Variants in RESF1 observed in about 807,000 individuals in gnomAD.
RESF1 encodes the protein retroelement silencing factor 1, also known as gonad expressed transcript.
RESF1 carries 65 observed loss-of-function variants against 134.7 expected under a neutral mutation model. The ratio of observed to expected loss-of-function variants is 0.48; its 90% CI spans 0.40 to 0.59. The LOEUF (loss-of-function observed/expected upper bound fraction) is 0.59. Among genes scored for constraint, RESF1 ranks in the 20% least tolerant of loss-of-function variants. The probability of loss-of-function intolerance (pLI) is 0.00; values close to 1 mark genes in which losing one functional copy is unlikely to be tolerated. For synonymous variants in RESF1, 762 were observed against 702.2 expected (o/e 1.09, Z -1.35); for missense variants, 2,274 against 2,002.7 (o/e 1.14, Z -2.59).
At chr12:31,961,456 G>A (rs1939267159) in intron 2 of RESF1, among the ~76,000 whole-genome samples, 1 of 152,198 alleles carries the variant, frequency 6.6e-6, no homozygotes. Context: ...AATGTCATAG[G>A]ATTGTTATGG....
rs1182184904 is a variant in RESF1 at position 31,983,795 on chromosome 12, C to G, written c.2840C>G (p.Thr947Ser). 6.2e-7 allele frequency: 1 copy of G among 1,612,792 alleles called. No homozygotes were observed. ...CCAGAAAAACAATTAGATAATACCA[C>G]TGAAAATAAAGACTTTGGTTTTCAA... ...REPEKQLDNT[T>S]ENKDFGFQKD... Residue 947 changes from threonine (T) to serine (S), a missense_variant, in exon 4 of 6, where the codon ACT (threonine) becomes AGT (serine). Transcript: ENST00000312561.
At chr12:31,987,376 A>G in intron 5 of RESF1, 54 bp downstream of exon 5, 1 of 994,180 alleles carries the variant, frequency 1.0e-6, no homozygotes, top group Non-Finnish European at 1.6e-6. Flanking sequence ...TGGTATATGG[A>G]AATTGGATTA....
At position 31,985,837 on chromosome 12, in the gene RESF1, GA is replaced by G; in HGVS notation, c.4887del (p.Lys1629AsnfsTer15). 6.4e-7 allele frequency: 1 copy of G among 1,563,994 alleles called. No individual in the cohort carries two copies. The highest frequency in any genetic ancestry group is 8.6e-7 in the Non-Finnish European group (1 of 1,163,354). On this transcript the variant is annotated frameshift_variant, in exon 4 of 6. Transcript: ENST00000312561. LOFTEE classifies it high-confidence loss of function. ...KTFLPVKGNT[E>X]KSNMLEFKLC... ...CTTTTTACCGGTGAAAGGTAACACA[GA>G]AAAATCAAACATGCTGGAGTTTAAA... is the stretch of plus-strand genomic sequence containing the variant.
chr12:31,985,209 C>T lies in RESF1; in HGVS notation c.4254C>T (p.Ala1418=), dbSNP rs756451266. Residue 1418 remains alanine, a synonymous_variant, in exon 4 of 6, where the codon GCC becomes GCT. Transcript: ENST00000312561. ...CTTTGTCAAACCCAAACGAAAGAGC[C>T]ATTGTTAAAGAAAAGATGGTATCAA... ...GDSLSNPNER[A]IVKEKMVSNT... The T allele has an allele frequency of 6.3e-7, 1 of 1,583,444 alleles. No homozygotes were observed. The highest frequency in any genetic ancestry group is 1.2e-5 in the South Asian group (1 of 84,718).
intron 3 of RESF1, among the ~76,000 whole-genome samples, chr12:31,975,166 C>T (rs1046417218): frequency 7.9e-5 from 12 of 151,640 alleles, no homozygotes; most frequent in East Asian, 3.9e-4. Context: ...CCCAGCTACT[C>T]GGGAGGCTGA....
rs539137524 is a variant in RESF1, at chr12:31,969,706, C to T, written c.-246-483C>T. ...CAGTCTGGAGTGCAGTGGCATGATT[C>T]CCGCTCACCACTGCCTCAACCCCCT... is the stretch of plus-strand genomic sequence containing the variant. On this transcript the variant is annotated intron_variant, in intron 2 of 5. Transcript: ENST00000312561. Among the ~76,000 whole-genome samples, 65 of 152,184 alleles carry T rather than the reference C, an allele frequency of 4.3e-4. 1 individual carries two copies. The South Asian group carries it at 0.01, about 24-fold the overall frequency.
chr12:31,983,132 A>G lies in RESF1; in HGVS notation c.2177A>G (p.Gln726Arg). The change falls in exon 4 of 6, where the codon CAG (glutamine) becomes CGG (arginine). Residue 726 changes from glutamine (Q) to arginine (R), a missense_variant. Transcript: ENST00000312561. ...TCAGTTGTGGGAAATTCAAATTCTCAGAATAAAATAAGTAATCCCTCACAG... is the reference window on the plus strand; with the variant it reads ...TCAGTTGTGGGAAATTCAAATTCTCGGAATAAAATAAGTAATCCCTCACAG... Reference protein sequence around the residue: ...PCSVVGNSNSQNKISNPSQQT... With the variant: ...PCSVVGNSNSRNKISNPSQQT... 6.2e-7 allele frequency: 1 copy of G among 1,610,974 alleles called. No homozygotes were observed. The highest frequency in any genetic ancestry group is 8.5e-7 in the Non-Finnish European group (1 of 1,178,888).
Position 31,984,489 on chromosome 12 carries a change from C to T in RESF1, c.3534C>T (p.Leu1178=), listed in dbSNP as rs781595714. The change falls in exon 4 of 6, where the codon CTC becomes CTT. Residue 1178 remains leucine, a synonymous_variant. Coordinates refer to ENST00000312561, the MANE Select transcript of RESF1 (RefSeq NM_018169.4). ...TCCACTGCTGTGCATTGGGCTGGCT[C>T]TCCATGGTTTACGAAGGAGTACCCC... ...DDIHCCALGW[L]SMVYEGVPQC... is the part of the protein sequence containing the mutation. 4 of 1,610,530 alleles carry T rather than the reference C, an allele frequency of 2.5e-6. No homozygotes were observed. Among genetic ancestry groups the T allele is most frequent in the Non-Finnish European group, 3.4e-6 (4 of 1,177,496 alleles).
At position 31,982,946 on chromosome 12, in the gene RESF1, G is replaced by C. The variant is rs754970514; in HGVS notation, c.1991G>C (p.Ser664Thr). ...ESSTKGMPAK[S>T]DSSCSMEVLA... ...TCAACAAAAGGAATGCCTGCTAAAA[G>C]TGACAGTAGCTGTTCCATGGAAGTG... Residue 664 changes from serine to threonine, a missense_variant, in exon 4 of 6, where the codon AGT becomes ACT. Physicochemically the swap from Ser to Thr is moderately conservative, Grantham distance 58. Coordinates refer to ENST00000312561, the MANE Select transcript of RESF1 (RefSeq NM_018169.4). The C allele has an allele frequency of 6.2e-7, 1 of 1,614,102 alleles. No homozygotes were observed. The highest frequency in any genetic ancestry group is 8.5e-7 in the Non-Finnish European group (1 of 1,180,008).
At chr12:31,974,921 G>A (rs898455256) in intron 3 of RESF1, among the ~76,000 whole-genome samples, 4 of 141,274 alleles carry the variant, frequency 2.8e-5, no homozygotes, top group Admixed American at 7.3e-5. Flanking sequence ...GCATGTGGTG[G>A]CTGCCTTTTT....
Position 31,985,728 on chromosome 12 carries a change from A to ACTTT in RESF1, c.4774_4775insTTTC (p.Arg1592LeufsTer3). On this transcript the variant is annotated frameshift_variant, in exon 4 of 6. Coordinates refer to ENST00000312561, the MANE Select transcript of RESF1 (RefSeq NM_018169.4). LOFTEE classifies it high-confidence loss of function. ...ATAGAGTTGGGTTTAAATGCACTGA[A>ACTTT]CGTGAAAGCATTTCTCTCACCAAAT... 3.8e-6 allele frequency: 6 copies of ACTTT among 1,593,122 alleles called. No homozygotes were observed. The highest frequency in any genetic ancestry group is 5.1e-6 in the Non-Finnish European group (6 of 1,174,210).
Position 31,985,359 on chromosome 12 carries a change from T to C in RESF1, c.4404T>C (p.Cys1468=). 1 of 1,608,046 alleles carries C rather than the reference T, an allele frequency of 6.2e-7. No homozygotes were observed. Among genetic ancestry groups the C allele is most frequent in the Non-Finnish European group, 8.5e-7 (1 of 1,178,682 alleles). The stretch of plus-strand genomic sequence containing the variant: ...GTAATAAAGCATCGAAGAAAATCTG[T>C]GTGAAAAACGTGCCATGTGATTCTG... ...ALSNKASKKI[C]VKNVPCDSEH... Residue 1468 remains cysteine (C), a synonymous_variant, in exon 4 of 6, where the codon TGT becomes TGC. Transcript: ENST00000312561.
Position 31,984,898 on chromosome 12 carries a change from G to A in RESF1, c.3943G>A (p.Glu1315Lys), listed in dbSNP as rs1424032406. The change falls in exon 4 of 6, where the codon GAA becomes AAA. Residue 1315 changes from glutamate to lysine, a missense_variant. By Grantham distance (56) the Glu-to-Lys change is moderately conservative. Coordinates refer to ENST00000312561, the MANE Select transcript of RESF1 (RefSeq NM_018169.4). ...HSSNKMTASY[E>K]QASQETRQKK... is the part of the protein sequence containing the mutation. Reference sequence around the variant, plus strand: ...CAGTAATAAAATGACAGCATCTTATGAACAAGCTTCTCAGGAAACCCGACA... The same window carrying A: ...CAGTAATAAAATGACAGCATCTTATAAACAAGCTTCTCAGGAAACCCGACA... 2 of 1,610,760 alleles carry A rather than the reference G, an allele frequency of 1.2e-6. No individual in the cohort carries two copies. Among genetic ancestry groups the A allele is most frequent in the Admixed American group, 3.4e-5 (2 of 59,280 alleles).
rs1462315466 is a variant in RESF1, at chr12:31,981,867, A to T, written c.912A>T (p.Glu304Asp). The T allele has an allele frequency of 1.4e-5, 22 of 1,614,018 alleles. No homozygotes were observed. The South Asian group carries it at 2.3e-4, about 17-fold the overall frequency. Residue 304 changes from glutamate (E) to aspartate (D), a missense_variant, in exon 4 of 6, where the codon GAA becomes GAT. Transcript: ENST00000312561. ...TQHITKHLSM[E>D]VPQSREMLSS... ...ATATTACTAAACACTTGTCTATGGA[A>T]GTTCCTCAGAGTCGAGAAATGCTGT... is the stretch of plus-strand genomic sequence containing the variant.
At chr12:31,979,599 G>A (rs1045389646) in intron 3 of RESF1, among the ~76,000 whole-genome samples, 2 of 151,946 alleles carry the variant, frequency 1.3e-5, no homozygotes, top group African/African-American at 4.8e-5. Context: ...GTGGAGTGGT[G>A]CCACCATGGC....
At position 31,959,477 on chromosome 12, in the gene RESF1, C is replaced by G. The variant is rs1387146240; in HGVS notation, c.-356C>G. On this transcript the variant is annotated 5_prime_UTR_variant, in exon 1 of 6. Coordinates refer to ENST00000312561, the MANE Select transcript of RESF1 (RefSeq NM_018169.4). ...TTTCTCCCCGCTTGCCGGGGTGGTC[C>G]TCTTCCCTTTGTCGGTAAGTGTGAG... 4 of 152,432 alleles carry G rather than the reference C, an allele frequency of 2.6e-5. No homozygotes were observed. The highest frequency in any genetic ancestry group is 9.6e-5 in the African/African-American group (4 of 41,594). 9.4% of individuals were successfully genotyped at this position (152,432 alleles called of 1,614,324 possible).
intron 2 of RESF1, among the ~76,000 whole-genome samples, chr12:31,969,243 G>T (rs1939459102): frequency 6.6e-6 from 1 of 151,502 alleles, no homozygotes; most frequent in Middle Eastern, 3.2e-3. Context: ...CACCTGGCCA[G>T]TGGTAACCCC....
rs1039603617 is a variant in RESF1, at chr12:31,992,670, T to A, written c.*135T>A. 1.1e-6 allele frequency: 1 copy of A among 906,946 alleles called. No individual in the cohort carries two copies. Among genetic ancestry groups the A allele is most frequent in the Non-Finnish European group, 1.7e-6 (1 of 573,502 alleles). The allele number at this position is 906,946 out of a possible 1,614,324, so 56.2% of individuals were successfully genotyped here. On this transcript the variant is annotated 3_prime_UTR_variant, in exon 6 of 6. Transcript: ENST00000312561. The stretch of plus-strand genomic sequence containing the variant: ...GGTTCCCACTTTCATTGTATTTCAT[T>A]GAAAGTGCTTAATTAAAATGGCTTG...
chr12:31,960,167 C>G (rs1020302454), intron 1 of RESF1, among the ~76,000 whole-genome samples: 1 of 152,036 alleles, frequency 6.6e-6, no homozygotes, highest in African/African-American at 2.4e-5. Context: ...TAGGTGTTCT[C>G]GAGGGACACG....
Sources: allele counts gnomAD v4.1 joint callset (sites outside exome capture counted in the v4.1 genomes callset), GRCh38; gene constraint gnomAD v4.1.1; transcripts MANE v1.5; gene names NCBI Gene and HGNC (gene_info 2026-07-23, HGNC 2026-07-21).